QKI: variants seen among roughly 807,000 people sequenced by gnomAD.
QKI encodes the protein QKI, KH domain containing RNA binding.
A neutral mutation model predicts 39.0 loss-of-function variants in QKI; 10 were observed. The observed-to-expected ratio is 0.26, with a 90% CI of 0.16 to 0.43. The LOEUF is 0.43. Ranked by LOEUF, QKI falls within the 20% of genes least tolerant of loss-of-function variation. The pLI is 1.00. For synonymous variants in QKI, 204 were observed against 155.4 expected (o/e 1.31, Z -2.33); for missense variants, 218 against 428.0 (o/e 0.51, Z 4.33).
intron 3 of QKI, among the ~76,000 whole-genome samples, chr6:163,483,388 C>T (rs1274683247): frequency 1.3e-5 from 2 of 152,144 alleles, no homozygotes; most frequent in Admixed American, 1.3e-4. Context: ...TGGATTTGCT[C>T]TTCCTTTCAC....
At chr6:163,419,185 A>G (rs760625624) in intron 1 of QKI, among the ~76,000 whole-genome samples, 1 of 152,146 alleles carries the variant, frequency 6.6e-6, no homozygotes, top group Non-Finnish European at 1.5e-5. Flanking sequence ...TCCTTTAAAT[A>G]TATGAGTAAA....
intron 3 of QKI, among the ~76,000 whole-genome samples, chr6:163,527,699 A>G (rs1455714524): frequency 6.6e-6 from 1 of 152,122 alleles, no homozygotes; most frequent in Non-Finnish European, 1.5e-5. Flanking sequence ...TGTTTCTCAA[A>G]TGTTGAGATT....
intron 3 of QKI, among the ~76,000 whole-genome samples, chr6:163,524,047 C>A (rs1780320093): frequency 6.6e-6 from 1 of 152,106 alleles, no homozygotes; most frequent in Non-Finnish European, 1.5e-5. Flanking sequence ...TTTATAAATT[C>A]CCTTTACTAT....
At chr6:163,568,946 A>G (rs1783538328) in intron 7 of QKI, 1 of 986,014 alleles carries the variant, frequency 1.0e-6, no homozygotes, top group African/African-American at 1.7e-5. Flanking sequence ...GTATATATAA[A>G]TGGTCACTCA....
At chr6:163,448,115 G>A (rs990523138) in intron 1 of QKI, among the ~76,000 whole-genome samples, 5 of 152,106 alleles carry the variant, frequency 3.3e-5, no homozygotes, top group Non-Finnish European at 5.9e-5. Context: ...AGAACAATCA[G>A]GAAAATCGAA....
At position 163,565,014 on chromosome 6, in the gene QKI, T is replaced by C. The variant is rs919924182; in HGVS notation, c.934+1295T>C. The C allele has an allele frequency of 4.9e-6, 6 of 1,220,174 alleles. No homozygotes were observed. In the African/African-American group the frequency reaches 7.6e-5, roughly 16 times the overall value. The allele number at this position is 1,220,174 out of a possible 1,614,324, so 75.6% of individuals were successfully genotyped here. A position where few individuals can be genotyped will look rare whatever the true frequency, so the allele number is the denominator to read the frequency against. On this transcript the variant is annotated intron_variant, in intron 6 of 7. Coordinates refer to ENST00000361752, the MANE Select transcript of QKI (RefSeq NM_006775.3). ...AAGTAAAGAAAGCCATGATGCTCTG[T>C]ATGTTATCTGTGTGTGTGCATGCAC...
At chr6:163,531,293 G>T (rs556274999) in intron 3 of QKI, among the ~76,000 whole-genome samples, 2 of 152,308 alleles carry the variant, frequency 1.3e-5, no homozygotes, top group Admixed American at 1.3e-4. Flanking sequence ...GGCCAGCCCA[G>T]CTGTCAGAGT....
chr6:163,482,112 A>G (rs1793116964), intron 3 of QKI, among the ~76,000 whole-genome samples: 1 of 151,976 alleles, frequency 6.6e-6, no homozygotes, highest in Non-Finnish European at 1.5e-5. Context: ...TGAGCCCAGG[A>G]GTTGAGGCAA....
At chr6:163,466,197 C>G (rs1301236341) in intron 2 of QKI, among the ~76,000 whole-genome samples, 1 of 151,208 alleles carries the variant, frequency 6.6e-6, no homozygotes, top group Non-Finnish European at 1.5e-5. Flanking sequence ...AAATAATACC[C>G]AGGAGGTAAA....
chr6:163,508,594 A>G (rs1030211805), intron 3 of QKI, among the ~76,000 whole-genome samples: 5 of 146,688 alleles, frequency 3.4e-5, no homozygotes, highest in East Asian at 2.0e-4. Context: ...CAGTGGTGCA[A>G]TCTTGGCTTA....
chr6:163,447,139 G>C (rs1790214906), intron 1 of QKI, among the ~76,000 whole-genome samples: 1 of 151,782 alleles, frequency 6.6e-6, no homozygotes, highest in African/African-American at 2.4e-5. Context: ...AAACTCTTAA[G>C]TAAAGCTGGT....
At chr6:163,480,698 G>T (rs1466775003) in intron 3 of QKI, among the ~76,000 whole-genome samples, 1 of 152,118 alleles carries the variant, frequency 6.6e-6, no homozygotes, top group Non-Finnish European at 1.5e-5. Context: ...TTTTGAATCA[G>T]TTGAGTGATA....
chr6:163,455,211 C>CT, intron 1 of QKI, 68 bp from the exon 2 acceptor site: 2 of 1,367,410 alleles, frequency 1.5e-6, no homozygotes, highest in Non-Finnish European at 2.0e-6. Flanking sequence ...CCTGCCCTCT[C>CT]TTTTTTCCTC....
intron 4 of QKI, among the ~76,000 whole-genome samples, chr6:163,537,404 C>T (rs1443469539): frequency 1.3e-5 from 2 of 152,180 alleles, no homozygotes; most frequent in African/African-American, 4.8e-5. Context: ...CTTGCCAACT[C>T]ACTGTTACTG....
intron 3 of QKI, among the ~76,000 whole-genome samples, chr6:163,503,914 T>C (rs1415961291): frequency 6.6e-6 from 1 of 151,898 alleles, no homozygotes; most frequent in African/African-American, 2.4e-5. Flanking sequence ...TAATTTTTTT[T>C]TGTATTTTAG....
At chr6:163,488,468 A>G (rs1168366253) in intron 3 of QKI, among the ~76,000 whole-genome samples, 3 of 152,116 alleles carry the variant, frequency 2.0e-5, no homozygotes, top group South Asian at 4.1e-4. Flanking sequence ...TAAATTTAGG[A>G]CTATAATGTT....
At position 163,578,442 on chromosome 6, in the gene QKI, A is replaced by T. The variant is rs1562567755; in HGVS notation, c.*7732A>T. 1 of 152,202 alleles carries T rather than the reference A, an allele frequency of 6.6e-6. No homozygotes were observed. The highest frequency in any genetic ancestry group is 1.5e-5 in the Non-Finnish European group (1 of 68,030). 9.4% of individuals were successfully genotyped at this position (152,202 alleles called of 1,614,324 possible). A position where few individuals can be genotyped will look rare whatever the true frequency, so the allele number is the denominator to read the frequency against. On this transcript the variant is annotated 3_prime_UTR_variant, in exon 8 of 8. Transcript: ENST00000361752. ...TCCCTTATTACATTCATTGTTTTCA[A>T]TGATTGATTTATAAAATTAAGACAT...
intron 1 of QKI, among the ~76,000 whole-genome samples, chr6:163,452,893 A>G (rs372355513): frequency 1.3e-5 from 2 of 151,858 alleles, no homozygotes; most frequent in East Asian, 3.9e-4. Context: ...ATGCCCAGCT[A>G]ATTTTTGTAT....
chr6:163,470,413 G>C (rs1792096712), intron 2 of QKI, among the ~76,000 whole-genome samples: 1 of 152,114 alleles, frequency 6.6e-6, no homozygotes. Flanking sequence ...TGGGTTGCTA[G>C]TAATAGTAGG....
Sources: allele counts gnomAD v4.1 joint callset (sites outside exome capture counted in the v4.1 genomes callset), GRCh38; gene constraint gnomAD v4.1.1; transcripts MANE v1.5; gene names NCBI Gene and HGNC (gene_info 2026-07-23, HGNC 2026-07-21).